The following INTS10 variants were observed in gnomAD, a reference collection of about 807,000 sequenced individuals.
The protein encoded by INTS10 is chromosome 8 open reading frame 35.
INTS10 carries 44 observed loss-of-function variants against 94.4 expected under a neutral mutation model. That is an observed-to-expected ratio of 0.47 (90% CI 0.37 to 0.60). The LOEUF is 0.60. Ranked by LOEUF, INTS10 falls within the 20% of genes least tolerant of loss-of-function variation. INTS10 has a pLI of 0.00. For synonymous variants in INTS10, 341 were observed against 320.7 expected (o/e 1.06, Z -0.68); for missense variants, 797 against 868.7 (o/e 0.92, Z 1.04).
intron 5 of INTS10, 68 bp from the exon 6 acceptor site, chr8:19,823,233 T>G: frequency 1.6e-6 from 2 of 1,249,132 alleles, no homozygotes; most frequent in Non-Finnish European, 2.3e-6. Context: ...TCTGAAAGCT[T>G]TTGTATTTAT....
chr8:19,818,522 G>A, intron 2 of INTS10, 180 bp downstream of exon 2: 1 of 590,140 alleles, frequency 1.7e-6, no homozygotes, highest in South Asian at 2.0e-5. Context: ...TTTTGCAGAA[G>A]AGTTTAATTA....
At chr8:19,837,864 G>A (rs367798261) in intron 13 of INTS10, among the ~76,000 whole-genome samples, 4 of 151,652 alleles carry the variant, frequency 2.6e-5, no homozygotes, top group Middle Eastern at 3.2e-3. Flanking sequence ...TAACAAGATC[G>A]ATAAGGAGGA....
intron 4 of INTS10, chr8:19,822,000 A>G (rs903688702): frequency 6.5e-6 from 1 of 154,948 alleles, no homozygotes; most frequent in Non-Finnish European, 1.4e-5. Context: ...AGACTGTATG[A>G]CTGGCTACAC....
chr8:19,832,191 T>C, intron 11 of INTS10, 81 bp downstream of exon 11: 2 of 801,712 alleles, frequency 2.5e-6, no homozygotes, highest in Admixed American at 1.7e-5. Context: ...ATGCAGAATG[T>C]GTCATGTTCC....
intron 2 of INTS10, chr8:19,818,788 T>G (rs2066140094): frequency 6.0e-6 from 1 of 165,820 alleles, no homozygotes; most frequent in South Asian, 1.4e-4. Context: ...CATGTTTCCT[T>G]TACTCACTCT....
intron 13 of INTS10, among the ~76,000 whole-genome samples, chr8:19,839,513 A>G (rs560744835): frequency 2.6e-5 from 4 of 152,138 alleles, no homozygotes; most frequent in Admixed American, 1.3e-4. Context: ...AGCATGGGCA[A>G]CAAAGTGAGA....
In INTS10 at chr8:19,844,164, T is replaced by C; in HGVS notation, c.1808T>C (p.Leu603Pro). ...LQQEWPRGEN[L>P]FLKAVNKICQ... Reference sequence around the variant, plus strand: ...CAAGAGTGGCCACGGGGCGAGAATCTTTTCCTGAAAGCTGTCAATAAAATT... The same window carrying C: ...CAAGAGTGGCCACGGGGCGAGAATCCTTTCCTGAAAGCTGTCAATAAAATT... The change falls in exon 15 of 17, where the codon CTT becomes CCT. Residue 603 changes from leucine to proline, a missense_variant. This residue lies in a region of INTS10 where 734 missense variants were observed against 787.8 expected (regional missense o/e 0.93). Transcript: ENST00000397977. 2 of 1,613,910 alleles carry C rather than the reference T, an allele frequency of 1.2e-6. No homozygotes were observed. Among genetic ancestry groups the C allele is most frequent in the Non-Finnish European group, 1.7e-6 (2 of 1,179,770 alleles).
At chr8:19,817,830 C>T (rs138180156) in intron 1 of INTS10, among the ~76,000 whole-genome samples, 164 bp downstream of exon 1, 1 of 149,312 alleles carries the variant, frequency 6.7e-6, no homozygotes, top group East Asian at 2.0e-4. Context: ...CCATCCTACA[C>T]CTTGCTCCTA....
intron 13 of INTS10, among the ~76,000 whole-genome samples, chr8:19,839,783 C>G (rs12335222): frequency 0.015 from 2,303 of 152,262 alleles, 70 homozygotes; most frequent in African/African-American, 0.053. Context: ...ATCCCCAAGG[C>G]TGGGCGCAGT....
At chr8:19,837,217 G>A (rs542106453) in intron 13 of INTS10, 57 bp downstream of exon 13, 20 of 1,092,204 alleles carry the variant, frequency 1.8e-5, no homozygotes, top group African/African-American at 6.2e-5. Flanking sequence ...AGCCAGGCAC[G>A]GTGGCTCACA....
intron 13 of INTS10, among the ~76,000 whole-genome samples, chr8:19,837,670 A>G (rs542167305): frequency 1.3e-5 from 2 of 152,368 alleles, no homozygotes; most frequent in Admixed American, 1.3e-4. Context: ...TGTTGCTTGA[A>G]AAATGAAATG....
intron 13 of INTS10, among the ~76,000 whole-genome samples, chr8:19,837,779 T>C (rs997930012): frequency 9.2e-5 from 14 of 151,680 alleles, no homozygotes; most frequent in African/African-American, 3.4e-4. Flanking sequence ...GTCAATGAAA[T>C]AGAAAACAAA....
At chr8:19,842,952 A>G (rs746237890) in intron 14 of INTS10, 25 bp downstream of exon 14, 17 of 1,392,130 alleles carry the variant, frequency 1.2e-5, no homozygotes, top group African/African-American at 1.4e-5. Context: ...GATTAGCTTG[A>G]AAAAAAATGT....
intron 16 of INTS10, among the ~76,000 whole-genome samples, chr8:19,850,339 C>T (rs1407886168): frequency 2.0e-5 from 3 of 152,232 alleles, no homozygotes; most frequent in Middle Eastern, 3.4e-3. Context: ...GTCCTAACTA[C>T]TGAGCTACCC....
At chr8:19,845,481 T>G in intron 15 of INTS10, 1 of 547,310 alleles carries the variant, frequency 1.8e-6, no homozygotes, top group East Asian at 3.0e-5. Context: ...AATCAGGTTT[T>G]GGCATCAGAC....
At chr8:19,833,373 C>T in intron 12 of INTS10, 52 bp downstream of exon 12, 2 of 1,366,140 alleles carry the variant, frequency 1.5e-6, no homozygotes, top group South Asian at 3.3e-5. Context: ...GCCACCTGGC[C>T]TTTCTCCTTT....
intron 13 of INTS10, chr8:19,841,797 G>A (rs1326676915): frequency 2.2e-6 from 1 of 455,724 alleles, no homozygotes; most frequent in Non-Finnish European, 4.4e-6. Context: ...TTAGATGAGT[G>A]TTTTTCAAGC....
Position 19,833,284 on chromosome 8 carries a change from A to T in INTS10, c.1493A>T (p.Gln498Leu). The T allele has an allele frequency of 6.2e-7, 1 of 1,612,930 alleles. No homozygotes were observed. The highest frequency in any genetic ancestry group is 1.1e-5 in the South Asian group (1 of 90,986). ...CTGGAGCATCAGAGGGCGCTCATCC[A>T]GCTGGCGACGTGCCACTTTGCGCTA... Reference protein sequence around the residue: ...GTLEHQRALIQLATCHFALGE... With the variant: ...GTLEHQRALILLATCHFALGE... The change falls in exon 12 of 17, where the codon CAG (glutamine) becomes CTG (leucine). Residue 498 changes from glutamine to leucine, a missense_variant. Gln to Leu is a moderately radical substitution (Grantham distance 113). Around this residue, in one of 3 missense-constraint regions of INTS10, gnomAD observed 734 missense variants for 787.8 expected, o/e 0.93. Transcript: ENST00000397977.
At chr8:19,832,223 T>C in intron 11 of INTS10, 113 bp downstream of exon 11, 1 of 676,382 alleles carries the variant, frequency 1.5e-6, no homozygotes, top group South Asian at 1.6e-5. Flanking sequence ...GTCCACTGCC[T>C]CCTGACACCT....
Sources: allele counts gnomAD v4.1 joint callset (sites outside exome capture counted in the v4.1 genomes callset), GRCh38; gene constraint gnomAD v4.1.1; regional missense constraint gnomAD v4.1.1; transcripts MANE v1.5; gene names NCBI Gene and HGNC (gene_info 2026-07-23, HGNC 2026-07-21).